The following LOXL2 variants were observed in gnomAD, a reference collection of about 807,000 sequenced individuals.
LOXL2 encodes lysyl oxidase homolog 2.
A neutral mutation model predicts 93.0 loss-of-function variants in LOXL2; 70 were observed. The observed-to-expected ratio is 0.75, with a 90% CI of 0.62 to 0.92. LOXL2 has a LOEUF of 0.92. Ranked by LOEUF, LOXL2 falls within the 40% of genes least tolerant of loss-of-function variation. The pLI, the probability that LOXL2 is intolerant of heterozygous loss-of-function variation, is 0.00. For synonymous variants in LOXL2, 438 were observed against 413.2 expected (o/e 1.06, Z -0.73); for missense variants, 973 against 1,054.9 (o/e 0.92, Z 1.08).
intron 1 of LOXL2, among the ~76,000 whole-genome samples, chr8:23,384,135 A>G (rs1804722460): frequency 6.6e-6 from 1 of 152,180 alleles, no homozygotes; most frequent in African/African-American, 2.4e-5. Flanking sequence ...TGTCGAGGTA[A>G]TTTATGGGAT....
chr8:23,371,556 TC>T (rs1158416106), intron 1 of LOXL2, among the ~76,000 whole-genome samples: 6 of 151,396 alleles, frequency 4.0e-5, no homozygotes, highest in Admixed American at 2.0e-4. Context: ...ATCAAGCCCA[TC>T]CCGGCTAACA....
intron 1 of LOXL2, among the ~76,000 whole-genome samples, chr8:23,386,209 TG>T (rs1449517451): frequency 1.3e-5 from 2 of 152,192 alleles, no homozygotes; most frequent in East Asian, 3.8e-4. Flanking sequence ...CTGGCTAACA[TG>T]GTGAAATCCC....
chr8:23,324,482 G>A (rs1803547343), intron 6 of LOXL2, among the ~76,000 whole-genome samples: 2 of 152,170 alleles, frequency 1.3e-5, no homozygotes, highest in African/African-American at 4.8e-5. Context: ...GAAGGACACT[G>A]GACTGGGTGT....
intron 1 of LOXL2, among the ~76,000 whole-genome samples, chr8:23,383,874 A>G (rs985538365): frequency 6.6e-6 from 1 of 151,722 alleles, no homozygotes; most frequent in Non-Finnish European, 1.5e-5. Context: ...GTTAGCCAGG[A>G]TGGTCTCGAT....
rs1215347774 is a variant in LOXL2, at chr8:23,332,227, C to T, written c.966+1174G>A. Among the ~76,000 whole-genome samples, 5 of 117,094 alleles carry T rather than the reference C, an allele frequency of 4.3e-5. No homozygotes were observed. In the East Asian group the frequency reaches 1.2e-3, roughly 27 times the overall value. The allele number at this position is 117,094 out of a possible 152,430, so 76.8% of individuals were successfully genotyped here. On this transcript the variant is annotated intron_variant, in intron 5 of 13. Coordinates refer to ENST00000389131, the MANE Select transcript of LOXL2 (RefSeq NM_002318.3). ...CACCCACACCCACCCCACACACCCCCTACACACTCACACCCCCACACACTT... is the reference window on the plus strand; with the variant it reads ...CACCCACACCCACCCCACACACCCCTTACACACTCACACCCCCACACACTT...
intron 1 of LOXL2, among the ~76,000 whole-genome samples, chr8:23,403,674 T>C (rs989251593): frequency 6.7e-6 from 1 of 148,258 alleles, no homozygotes; most frequent in Admixed American, 6.7e-5. Flanking sequence ...TTACGGGCGC[T>C]CGGGACGATC....
rs13252670 is a variant in LOXL2, at chr8:23,365,956, G to A, written c.355+2041C>T. 0.27 allele frequency: 40,380 copies of A among 152,022 alleles called. 5,590 individuals are homozygous for A. Among genetic ancestry groups the A allele is most frequent in the East Asian group, 0.43 (2,202 of 5,154 alleles). 9.4% of individuals were successfully genotyped at this position (152,022 alleles called of 1,614,324 possible). On this transcript the variant is annotated intron_variant, in intron 2 of 13. Transcript: ENST00000389131. ...CCCTTTCATATTCCCTCCACTCCTT[G>A]GAACTTTTCACTCTTCACCACGCTT... is the stretch of plus-strand genomic sequence containing the variant.
chr8:23,361,607 C>T (rs551847940), intron 2 of LOXL2, among the ~76,000 whole-genome samples: 1 of 152,238 alleles, frequency 6.6e-6, no homozygotes, highest in African/African-American at 2.4e-5. Flanking sequence ...CTTTTGGAGG[C>T]CAAGGCAGGT....
At chr8:23,361,839 A>AAAAACAAAACAAAAC (rs559148835) in intron 2 of LOXL2, among the ~76,000 whole-genome samples, 5 of 147,116 alleles carry the variant, frequency 3.4e-5, no homozygotes, top group Admixed American at 2.7e-4. Flanking sequence ...ACTCCGTCTC[A>AAAAACAAAACAAAAC]AAAACAAAAC....
intron 4 of LOXL2, among the ~76,000 whole-genome samples, chr8:23,334,544 C>G (rs1225040906): frequency 1.3e-5 from 2 of 152,146 alleles, no homozygotes; most frequent in Non-Finnish European, 2.9e-5. Flanking sequence ...TTCCTGCACC[C>G]AGGAAGATCA....
chr8:23,338,238 T>C (rs1803826746), intron 4 of LOXL2, among the ~76,000 whole-genome samples: 1 of 152,206 alleles, frequency 6.6e-6, no homozygotes, highest in African/African-American at 2.4e-5. Context: ...CATGTGGGGT[T>C]ATGGGAGCCA....
rs146789742 is a variant in LOXL2 at position 23,328,485 on chromosome 8, G to A, written c.1047C>T (p.Thr349=). ...VEVLKNGEWG[T]VCDDKWDLVS... ...CCAGGTCCCACTTGTCGTCGCAGAC[G>A]GTCCCCCATTCTCCATTTTTGAGCA... Residue 349 remains threonine, a synonymous_variant, in exon 6 of 14, where the codon ACC becomes ACT. Coordinates refer to ENST00000389131, the MANE Select transcript of LOXL2 (RefSeq NM_002318.3). The A allele has an allele frequency of 2.9e-5, 47 of 1,613,964 alleles. No individual in the cohort carries two copies. Among genetic ancestry groups the A allele is most frequent in the Non-Finnish European group, 3.6e-5 (43 of 1,180,034 alleles).
Position 23,297,738 on chromosome 8 carries a change from T to A in LOXL2, c.*305A>T. ...GCTCGGTGGCTTGAATGGGACAAGC[T>A]GATGACAACCTGTCTGTGGGCCTCA... is the stretch of plus-strand genomic sequence containing the variant. On this transcript the variant is annotated 3_prime_UTR_variant, in exon 14 of 14. Coordinates refer to ENST00000389131, the MANE Select transcript of LOXL2 (RefSeq NM_002318.3). 3 of 234,952 alleles carry A rather than the reference T, an allele frequency of 1.3e-5. No homozygotes were observed. The highest frequency in any genetic ancestry group is 1.3e-4 in the South Asian group (1 of 7,714). The allele number at this position is 234,952 out of a possible 1,614,324, so 14.6% of individuals were successfully genotyped here.
intron 10 of LOXL2, among the ~76,000 whole-genome samples, chr8:23,307,410 C>G (rs1803246350): frequency 6.6e-6 from 1 of 152,092 alleles, no homozygotes; most frequent in African/African-American, 2.4e-5. Flanking sequence ...AAGCCACTGA[C>G]TAGAACATCT....
chr8:23,387,630 C>A (rs1218623390), intron 1 of LOXL2, among the ~76,000 whole-genome samples: 2 of 152,180 alleles, frequency 1.3e-5, no homozygotes, highest in Non-Finnish European at 2.9e-5. Context: ...ATTTCATCTA[C>A]CAAATGGAAA....
intron 8 of LOXL2, among the ~76,000 whole-genome samples, 197 bp from the exon 9 acceptor site, chr8:23,317,311 T>C (rs75209794): frequency 0.68 from 104,011 of 151,870 alleles, 36,186 homozygotes; most frequent in Non-Finnish European, 0.75. Context: ...GTCTCCTGAG[T>C]GTAGCACTTG....
chr8:23,349,491 C>A (rs1804055071), intron 3 of LOXL2, among the ~76,000 whole-genome samples: 1 of 152,120 alleles, frequency 6.6e-6, no homozygotes, highest in South Asian at 2.1e-4. Context: ...ATGGTCCTCG[C>A]TGTCATGTGG....
chr8:23,385,703 C>A (rs1804749250), intron 1 of LOXL2: 1 of 545,040 alleles, frequency 1.8e-6, no homozygotes, highest in Admixed American at 3.1e-5. Flanking sequence ...CACTGCCCAA[C>A]AGAAACGTAA....
intron 1 of LOXL2, among the ~76,000 whole-genome samples, chr8:23,390,523 G>A (rs1804825586): frequency 6.6e-6 from 1 of 152,212 alleles, no homozygotes; most frequent in Non-Finnish European, 1.5e-5. Flanking sequence ...TCCAAAAAGA[G>A]GTCTTTGTTG....
Sources: allele counts gnomAD v4.1 joint callset (sites outside exome capture counted in the v4.1 genomes callset), GRCh38; gene constraint gnomAD v4.1.1; transcripts MANE v1.5; gene names NCBI Gene and HGNC (gene_info 2026-07-23, HGNC 2026-07-21).